PRSS22: variants seen among roughly 807,000 people sequenced by gnomAD.
The protein encoded by PRSS22 is brain-specific serine protease 4.
In PRSS22, 26 loss-of-function variants were observed where a neutral mutation model predicts 28.0. The observed-to-expected ratio is 0.93, with a 90% CI of 0.68 to 1.29. The LOEUF is 1.29. Ranked by LOEUF, PRSS22 falls within the 50% of genes most tolerant of loss-of-function variation. PRSS22 has a pLI of 0.00. For missense variants in PRSS22, 444 were observed against 422.1 expected, an observed-to-expected ratio of 1.05 and a Z score of -0.46; for synonymous variants, 217 against 177.9, an observed-to-expected ratio of 1.22 and a Z score of -1.75.
Position 2,856,116 on chromosome 16 carries a change from G to C in PRSS22, c.247C>G (p.Arg83Gly), listed in dbSNP as rs139100187. The C allele has an allele frequency of 3.7e-6, 6 of 1,613,796 alleles. No homozygotes were observed. The highest frequency in any genetic ancestry group is 5.1e-6 in the Non-Finnish European group (6 of 1,179,946). Reference protein sequence around the residue: ...HHCAGSLLTSRWVITAAHCFK... With the variant: ...HHCAGSLLTSGWVITAAHCFK... The stretch of plus-strand genomic sequence containing the variant: ...CAGTGGGCAGCAGTGATCACCCAGC[G>C]GCTGGTGAGCAGAGAACCTGCGCAG... The change falls in exon 3 of 6, where the codon CGC (arginine) becomes GGC (glycine). Residue 83 changes from arginine to glycine, a missense_variant. By Grantham distance (125) the Arg-to-Gly change is moderately radical. Coordinates refer to ENST00000161006, the MANE Select transcript of PRSS22 (RefSeq NM_022119.4).
At chr16:2,855,008 C>A (rs1368151914) in intron 4 of PRSS22, among the ~76,000 whole-genome samples, 2 of 152,036 alleles carry the variant, frequency 1.3e-5, no homozygotes, top group African/African-American at 4.8e-5. Context: ...AATTGAATAG[C>A]TTCACGGGTC....
chr16:2,857,944 G>C, intron 1 of PRSS22, 79 bp downstream of exon 1: 2 of 1,095,394 alleles, frequency 1.8e-6, no homozygotes, highest in Non-Finnish European at 2.3e-6. Context: ...GCAAGGCCAG[G>C]AGGGAGAGAG....
In PRSS22 at chr16:2,853,882, C is replaced by T. The variant is rs1567289645; in HGVS notation, c.700G>A (p.Glu234Lys). 2 of 1,614,006 alleles carry T rather than the reference C, an allele frequency of 1.2e-6. No homozygotes were observed. Among genetic ancestry groups the T allele is most frequent in the Non-Finnish European group, 1.7e-6 (2 of 1,179,976 alleles). The change falls in exon 5 of 6, where the codon GAG becomes AAG. Residue 234 changes from glutamate (E) to lysine (K), a missense_variant. Physicochemically the swap from Glu to Lys is moderately conservative, Grantham distance 56. Coordinates refer to ENST00000161006, the MANE Select transcript of PRSS22 (RefSeq NM_022119.4). The surrounding 1 kb of genome is among the most constrained non-coding windows in gnomAD (Gnocchi z 4.6). ...GAGCTCACCAGACAAGCATCCCGCT[C>T]CCCCTCCAAGTAGCCGGCACACAGC... ...DMLCAGYLEG[E>K]RDACLGDSGG...
rs1006008852 is a variant in PRSS22, at chr16:2,855,835, A to G, written c.298T>C (p.Tyr100His). 1.9e-6 allele frequency: 3 copies of G among 1,612,610 alleles called. No homozygotes were observed. The highest frequency in any genetic ancestry group is 2.5e-6 in the Non-Finnish European group (3 of 1,179,878). Residue 100 changes from tyrosine (Y) to histidine (H), a missense_variant, in exon 4 of 6, where the codon TAC becomes CAC. Coordinates refer to ENST00000161006, the MANE Select transcript of PRSS22 (RefSeq NM_022119.4). ...GCCCCCAGCAGCACAGAGAACAGGT[A>G]TGGTTTGTTCAGGTTGCTGGAAGGA... ...HCFKDNLNKPYLFSVLLGAWQ... is the reference protein window; with the variant it reads ...HCFKDNLNKPHLFSVLLGAWQ...
rs374302148 is a variant in PRSS22, at chr16:2,856,770, C to T, written c.109+52G>A. The T allele has an allele frequency of 1.4e-4, 222 of 1,547,750 alleles. No homozygotes were observed. The African/African-American group carries it at 2.8e-3, about 19-fold the overall frequency. The stretch of plus-strand genomic sequence containing the variant: ...GGGACGGACACATAGACACTGCCTG[C>T]GCGTGGGCCTCCTCCCTTCTCCCTC... On this transcript the variant is annotated intron_variant, in intron 2 of 5. Coordinates refer to ENST00000161006, the MANE Select transcript of PRSS22 (RefSeq NM_022119.4).
At chr16:2,855,528 C>G in intron 4 of PRSS22, 46 bp downstream of exon 4, 1 of 1,606,044 alleles carries the variant, frequency 6.2e-7, no homozygotes, top group African/African-American at 1.3e-5. Context: ...CTGCCATCCT[C>G]TGTCCCCATC....
At position 2,853,976 on chromosome 16, in the gene PRSS22, G is replaced by A. The variant is rs144052257; in HGVS notation, c.606C>T (p.Ile202=). 2.2e-5 allele frequency: 36 copies of A among 1,614,114 alleles called. No individual in the cohort carries two copies. Among genetic ancestry groups the A allele is most frequent in the Non-Finnish European group, 2.8e-5 (33 of 1,180,040 alleles). Residue 202 remains isoleucine, a synonymous_variant, in exon 5 of 6, where the codon ATC becomes ATT. Transcript: ENST00000161006. The surrounding 1 kb of genome is among the most constrained non-coding windows in gnomAD (Gnocchi z 4.6). Reference sequence around the variant, plus strand: ...GATGGCTGCAGACTTCCGAGTCGATGATAGGAACCTTCAGCTTCTGCAGGG... The same window carrying A: ...GATGGCTGCAGACTTCCGAGTCGATAATAGGAACCTTCAGCTTCTGCAGGG... ...PQTLQKLKVP[I]IDSEVCSHLY...
chr16:2,854,125 CA>C lies in PRSS22; in HGVS notation c.560-104del, dbSNP rs2069433568. The stretch of plus-strand genomic sequence containing the variant: ...CACCATTCCTCTCAGCAGCGGTTCT[CA>C]AAGGCTAACAGATTAGCTCTACCAG... On this transcript the variant is annotated intron_variant, in intron 4 of 5. Transcript: ENST00000161006. 9 of 1,322,976 alleles carry C rather than the reference CA, an allele frequency of 6.8e-6. No homozygotes were observed. In the South Asian group the frequency reaches 1.1e-4, roughly 16 times the overall value. 82.0% of individuals were successfully genotyped at this position (1,322,976 alleles called of 1,614,324 possible).
Position 2,858,032 on chromosome 16 carries a change from C to CCAG in PRSS22, c.70_72dup (p.Leu24dup), listed in dbSNP as rs534984348. The CCAG allele has an allele frequency of 3.1e-6, 4 of 1,283,548 alleles. No individual in the cohort carries two copies. The highest frequency in any genetic ancestry group is 3.0e-6 in the Non-Finnish European group (3 of 1,006,010). The allele number at this position is 1,283,548 out of a possible 1,614,324, so 79.5% of individuals were successfully genotyped here. A position where few individuals can be genotyped will look rare whatever the true frequency, so the allele number is the denominator to read the frequency against. ...CAGCCTCCGGACGTACCTGTCGACG[C>CCAG]CAGCAGCAGCAGGGAGGTGAAGGTG... On this transcript the variant is annotated inframe_insertion, in exon 1 of 6. Transcript: ENST00000161006.
chr16:2,855,943 G>A (rs1296371701), intron 3 of PRSS22, 92 bp from the exon 4 acceptor site: 7 of 1,518,900 alleles, frequency 4.6e-6, no homozygotes, highest in Non-Finnish European at 6.2e-6. Flanking sequence ...CCTGAAGGCA[G>A]GAGAGGCTTC....
Position 2,852,974 on chromosome 16 carries a change from AGAG to A in PRSS22, c.*116_*118del. ...TTCCGCAGCAGCCGTCCGGGCCCCC[AGAG>A]GTAGAGGTAGATGAGCCTATTTACG... On this transcript the variant is annotated 3_prime_UTR_variant, in exon 6 of 6. Coordinates refer to ENST00000161006, the MANE Select transcript of PRSS22 (RefSeq NM_022119.4). 1 of 26,232 alleles carries A rather than the reference AGAG, an allele frequency of 3.8e-5. No homozygotes were observed. The highest frequency in any genetic ancestry group is 9.3e-5 in the Non-Finnish European group (1 of 10,798). 1.6% of individuals were successfully genotyped at this position (26,232 alleles called of 1,614,324 possible).
intron 2 of PRSS22, 148 bp downstream of exon 2, chr16:2,856,674 C>T (rs1266013902): frequency 2.2e-6 from 2 of 898,142 alleles, no homozygotes; most frequent in African/African-American, 3.3e-5. Flanking sequence ...GCATCCGTGT[C>T]TCCTTCCTGC....
intron 1 of PRSS22, chr16:2,857,525 T>C: frequency 5.5e-6 from 1 of 181,188 alleles, no homozygotes; most frequent in Non-Finnish European, 1.2e-5. Flanking sequence ...GCGGGGCATT[T>C]CCTGGGGCCT....
intron 1 of PRSS22, 110 bp from the exon 2 acceptor site, chr16:2,856,958 TC>T: frequency 7.8e-7 from 1 of 1,289,674 alleles, no homozygotes; most frequent in Non-Finnish European, 1.1e-6. Context: ...TAAGAAGGGA[TC>T]CCAGTGCCCA....
At chr16:2,856,540 C>T (rs1170139338) in intron 2 of PRSS22, among the ~76,000 whole-genome samples, 1 of 152,002 alleles carries the variant, frequency 6.6e-6, no homozygotes, top group Admixed American at 6.6e-5. Context: ...GGCCTTTCCA[C>T]TCACTCCTTG....
intron 4 of PRSS22, among the ~76,000 whole-genome samples, chr16:2,855,350 A>C: frequency 7.1e-6 from 1 of 140,962 alleles, no homozygotes; most frequent in Non-Finnish European, 1.5e-5. Flanking sequence ...CCTGTCTCAA[A>C]AAAAAAAAAA....
At position 2,855,563 on chromosome 16, in the gene PRSS22, A is replaced by G; in HGVS notation, c.559+11T>C. On this transcript the variant is annotated intron_variant, in intron 4 of 5. Transcript: ENST00000161006. ...CTGCCCCCAACCACCTTGGAGAGGA[A>G]GAAGCCGCACCTCCATCTTGGATGC... 1 of 1,613,704 alleles carries G rather than the reference A, an allele frequency of 6.2e-7. No homozygotes were observed. The highest frequency in any genetic ancestry group is 8.5e-7 in the Non-Finnish European group (1 of 1,179,950).
chr16:2,856,615 C>G (rs919441283), intron 2 of PRSS22, among the ~76,000 whole-genome samples: 1 of 152,060 alleles, frequency 6.6e-6, no homozygotes, highest in Non-Finnish European at 1.5e-5. Flanking sequence ...GTTCACCTTC[C>G]TGGCTCTCTC....
At position 2,856,207 on chromosome 16, in the gene PRSS22, G is replaced by A. The variant is rs150572986; in HGVS notation, c.156C>T (p.Gly52=). 181 of 1,613,654 alleles carry A rather than the reference G, an allele frequency of 1.1e-4. 1 individual carries two copies. Among genetic ancestry groups the A allele is most frequent in the African/African-American group, 7.5e-4 (56 of 74,956 alleles). ...GKPQQLNRVV[G]GEDSTDSEWP... ...ACTCGCTGTCAGTGCTGTCCTCGCC[G>A]CCCACAACCCGGTTCAGCTGCTGGG... is the stretch of plus-strand genomic sequence containing the variant. Residue 52 remains glycine, a synonymous_variant, in exon 3 of 6, where the codon GGC becomes GGT. Coordinates refer to ENST00000161006, the MANE Select transcript of PRSS22 (RefSeq NM_022119.4).
Sources: allele counts gnomAD v4.1 joint callset (sites outside exome capture counted in the v4.1 genomes callset), GRCh38; gene constraint gnomAD v4.1.1; non-coding constraint Gnocchi (gnomAD v3.1); transcripts MANE v1.5; gene names NCBI Gene and HGNC (gene_info 2026-07-23, HGNC 2026-07-21).